SPATA7: variants seen among roughly 807,000 people sequenced by gnomAD.
The protein encoded by SPATA7 is spermatogenesis associated 7.
SPATA7 carries 43 observed loss-of-function variants against 51.8 expected under a neutral mutation model. The observed-to-expected ratio is 0.83, with a 90% CI of 0.65 to 1.07. The LOEUF (loss-of-function observed/expected upper bound fraction) is 1.07, where lower values mean the gene tolerates loss of function less well. Among genes scored for constraint, SPATA7 ranks in the 50% least tolerant of loss-of-function variants. SPATA7 has a pLI of 0.00. For synonymous variants in SPATA7, 230 were observed against 252.8 expected, an observed-to-expected ratio of 0.91 and a Z score of 0.86; for missense variants, 683 against 701.3, an observed-to-expected ratio of 0.97 and a Z score of 0.30.
At chr14:88,468,950 G>C in intron 4 of SPATA7, 2 of 1,614,138 alleles carry the variant, frequency 1.2e-6, no homozygotes, top group Non-Finnish European at 1.7e-6. Flanking sequence ...CATGATCTCC[G>C]ACAAAATCAC....
At chr14:88,407,267 G>C (rs142301864) in intron 4 of SPATA7, among the ~76,000 whole-genome samples, 1,620 of 152,204 alleles carry the variant, frequency 0.011, 17 homozygotes, top group African/African-American at 0.028. Context: ...TCCACATCAT[G>C]TCTAGCATCT....
chr14:88,404,521 A>G (rs2076153342), intron 4 of SPATA7, among the ~76,000 whole-genome samples: 1 of 152,178 alleles, frequency 6.6e-6, no homozygotes, highest in South Asian at 2.1e-4. Context: ...GTTCGAGACC[A>G]GCCTGGCCAA....
chr14:88,393,286 T>G (rs2139872274), intron 2 of SPATA7, 107 bp from the exon 3 acceptor site: 1 of 796,454 alleles, frequency 1.3e-6, no homozygotes, highest in Non-Finnish European at 2.0e-6. Flanking sequence ...TATCTCTGGT[T>G]GAATTTCAGA....
chr14:88,466,973 T>C (rs1309868197), intron 4 of SPATA7: 2 of 152,300 alleles, frequency 1.3e-5, no homozygotes, highest in East Asian at 1.9e-4. Flanking sequence ...ACAATACAGG[T>C]TGAGGTGGGA....
rs184231013 is a variant in SPATA7, at chr14:88,455,165, A to G, written c.*52A>G. On this transcript the variant is annotated 3_prime_UTR_variant, in exon 4 of 4. Coordinates refer to the SPATA7 transcript ENST00000554802. ...CTACTATAGAGGTGGCCACATGAAGAGCTCTGCAAGCCCACTGTGAAATTG... is the reference window on the plus strand; with the variant it reads ...CTACTATAGAGGTGGCCACATGAAGGGCTCTGCAAGCCCACTGTGAAATTG... The G allele has an allele frequency of 1.5e-3, 680 of 449,566 alleles. 10 individuals are homozygous for G. Among genetic ancestry groups the G allele is most frequent in the Middle Eastern group, 8.9e-3 (27 of 3,032 alleles). 27.8% of individuals were successfully genotyped at this position (449,566 alleles called of 1,614,324 possible). A position where few individuals can be genotyped will look rare whatever the true frequency, so the allele number is the denominator to read the frequency against.
intron 5 of SPATA7, among the ~76,000 whole-genome samples, chr14:88,420,521 C>G (rs2076612304): frequency 6.6e-6 from 1 of 152,134 alleles, no homozygotes; most frequent in African/African-American, 2.4e-5. Context: ...CTTTCCATCT[C>G]TATCTCTCAG....
chr14:88,426,288 T>G lies in SPATA7; in HGVS notation c.429T>G (p.Phe143Leu), dbSNP rs1469531734. 7 of 1,613,998 alleles carry G rather than the reference T, an allele frequency of 4.3e-6. No homozygotes were observed. Among genetic ancestry groups the G allele is most frequent in the Non-Finnish European group, 5.9e-6 (7 of 1,180,010 alleles). ...DDMLKEEMNG[F>L]SSFARSLVPS... ...TGTTAAAAGAAGAAATGAATGGATT[T>G]TCATCCTTTGCAAGGTCACTAGTAC... The change falls in exon 6 of 12, where the codon TTT (phenylalanine) becomes TTG (leucine). Residue 143 changes from phenylalanine to leucine, a missense_variant. Phe to Leu is a conservative substitution (Grantham distance 22). Transcript: ENST00000393545.
chr14:88,467,861 C>A, intron 4 of SPATA7: 1 of 400,202 alleles, frequency 2.5e-6, no homozygotes, highest in Non-Finnish European at 4.5e-6. Flanking sequence ...ATACAATCTC[C>A]AAAATGTGTG....
intron 6 of SPATA7, 24 bp downstream of exon 6, chr14:88,426,728 G>C (rs201988011): frequency 6.4e-7 from 1 of 1,571,358 alleles, no homozygotes; most frequent in Non-Finnish European, 8.7e-7. Flanking sequence ...GCAACCAACA[G>C]TAAATCCTTC....
chr14:88,385,870 T>C (rs1158363467), intron 1 of SPATA7, 33 bp downstream of exon 1: 4 of 1,587,080 alleles, frequency 2.5e-6, no homozygotes, highest in Non-Finnish European at 3.4e-6. Context: ...TACCGCCGCC[T>C]CGCCCCTCGC....
At chr14:88,438,537 C>A, downstream of SPATA7, 1 of 900,184 alleles carries the variant, frequency 1.1e-6, no homozygotes, top group Non-Finnish European at 1.8e-6. Context: ...AATAAGTTAC[C>A]AGAAACCTAG....
chr14:88,464,085 C>T lies in SPATA7; in HGVS notation c.255-5762C>T, dbSNP rs192598794. Among the ~76,000 whole-genome samples the T allele has an allele frequency of 3.9e-3, 597 of 152,162 alleles. 2 individuals are homozygous for T. The highest frequency in any genetic ancestry group is 4.7e-3 in the Non-Finnish European group (322 of 67,992). On this transcript the variant is annotated intron_variant, in intron 4 of 4. Coordinates refer to the SPATA7 transcript ENST00000556406. ...CATACTCCTGACATCGTGATCCACCCGCCTCGGCCTCCCAAAGTGCTGGGA... is the reference window on the plus strand; with the variant it reads ...CATACTCCTGACATCGTGATCCACCTGCCTCGGCCTCCCAAAGTGCTGGGA...
At chr14:88,462,911 C>A (rs2077326238) in intron 4 of SPATA7, among the ~76,000 whole-genome samples, 1 of 152,104 alleles carries the variant, frequency 6.6e-6, no homozygotes. Flanking sequence ...AATATTAAAG[C>A]ATAACTCAAA....
At chr14:88,445,602 G>A (rs1309656960) in intron 3 of SPATA7, among the ~76,000 whole-genome samples, 1 of 150,668 alleles carries the variant, frequency 6.6e-6, no homozygotes, top group Non-Finnish European at 1.5e-5. Flanking sequence ...TGCCCATTCA[G>A]TATGATATTG....
intron 4 of SPATA7, chr14:88,467,860 C>T (rs2077389182): frequency 7.5e-6 from 3 of 397,606 alleles, no homozygotes; most frequent in Non-Finnish European, 1.3e-5. Context: ...AATACAATCT[C>T]CAAAATGTGT....
chr14:88,451,860 T>C (rs1297596528), intron 3 of SPATA7, among the ~76,000 whole-genome samples: 1 of 152,174 alleles, frequency 6.6e-6, no homozygotes, highest in Non-Finnish European at 1.5e-5. Flanking sequence ...AGTTAGACTT[T>C]ACCTTTCTCT....
In SPATA7 at chr14:88,438,041, G is replaced by A. The variant is rs368173857; in HGVS notation, c.1419G>A (p.Met473Ile). The A allele has an allele frequency of 3.1e-6, 5 of 1,614,064 alleles. No homozygotes were observed. Among genetic ancestry groups the A allele is most frequent in the Non-Finnish European group, 4.2e-6 (5 of 1,180,004 alleles). Residue 473 changes from methionine (M) to isoleucine (I), a missense_variant, in exon 12 of 12, where the codon ATG becomes ATA. Coordinates refer to ENST00000393545, the MANE Select transcript of SPATA7 (RefSeq NM_018418.5). The part of the protein sequence containing the change: ...ERQQYQKALD[M>I]LLSAPKDENE... The stretch of plus-strand genomic sequence containing the variant: ...AACAATACCAAAAGGCTTTGGATAT[G>A]TTATTGTCGGCACCAAAGGATGAGA...
intron 5 of SPATA7, among the ~76,000 whole-genome samples, chr14:88,424,405 C>G (rs1307743316): frequency 6.6e-6 from 1 of 152,154 alleles, no homozygotes; most frequent in East Asian, 1.9e-4. Flanking sequence ...AGCAATTTTT[C>G]CATCCCATTT....
At chr14:88,447,580 C>T (rs1102829) in intron 3 of SPATA7, among the ~76,000 whole-genome samples, 82,252 of 151,772 alleles carry the variant, frequency 0.54, 24,997 homozygotes, top group Admixed American at 0.69. Flanking sequence ...TTCGTAGTCT[C>T]GATGGTCTTT....
Sources: gnomAD v4.1 joint callset for allele counts (sites outside exome capture counted in the v4.1 genomes callset) on GRCh38, gnomAD v4.1.1 for gene constraint, MANE v1.5 for transcripts, NCBI Gene and HGNC (gene_info 2026-07-23, HGNC 2026-07-21) for gene names.